Variants in SH3RF1 observed in about 807,000 individuals in gnomAD.
The protein encoded by SH3RF1 is SH3 domain containing ring finger 1.
In SH3RF1, 32 loss-of-function variants were observed where a neutral mutation model predicts 74.0. The observed-to-expected ratio is 0.43, with a 90% CI of 0.33 to 0.58. The LOEUF (loss-of-function observed/expected upper bound fraction) is 0.58. Among genes scored for constraint, SH3RF1 ranks in the 20% least tolerant of loss-of-function variants. The probability of loss-of-function intolerance (pLI) is 0.05; values close to 1 mark genes in which losing one functional copy is unlikely to be tolerated. For synonymous variants in SH3RF1, 396 were observed against 439.6 expected, an observed-to-expected ratio of 0.90 and a Z score of 1.24; for missense variants, 954 against 1,130.9, an observed-to-expected ratio of 0.84 and a Z score of 2.24.
At chr4:169,114,540 T>C (rs1412006284) in intron 10 of SH3RF1, among the ~76,000 whole-genome samples, 3 of 152,178 alleles carry the variant, frequency 2.0e-5, no homozygotes, top group Non-Finnish European at 4.4e-5. Flanking sequence ...CACAAGTACC[T>C]TTCAAGCCTT....
chr4:169,189,107 T>A (rs557588588), intron 2 of SH3RF1, among the ~76,000 whole-genome samples: 1 of 152,366 alleles, frequency 6.6e-6, no homozygotes, highest in South Asian at 2.1e-4. Flanking sequence ...TTCTTGTCAG[T>A]TCAAGTAGAA....
intron 11 of SH3RF1, among the ~76,000 whole-genome samples, chr4:169,104,838 T>C (rs189209365): frequency 6.4e-4 from 97 of 151,390 alleles, no homozygotes; most frequent in African/African-American, 2.3e-3. Flanking sequence ...GAAATGGAGG[T>C]TGCAGTGAGC....
At chr4:169,173,230 T>C (rs1209821598) in intron 2 of SH3RF1, among the ~76,000 whole-genome samples, 1 of 152,122 alleles carries the variant, frequency 6.6e-6, no homozygotes, top group Non-Finnish European at 1.5e-5. Flanking sequence ...ACCCTTACTA[T>C]TGTCCCTGCT....
intron 5 of SH3RF1, among the ~76,000 whole-genome samples, chr4:169,131,527 C>T (rs750271876): frequency 3.3e-5 from 5 of 152,152 alleles, no homozygotes; most frequent in Admixed American, 6.5e-5. Context: ...CTATTTCTAA[C>T]GGGAAGCACA....
intron 2 of SH3RF1, among the ~76,000 whole-genome samples, chr4:169,202,104 T>TC (rs1734918982): frequency 6.6e-6 from 1 of 151,976 alleles, no homozygotes; most frequent in African/African-American, 2.4e-5. Flanking sequence ...AAAATCTCAC[T>TC]CCCCCAAATT....
chr4:169,113,519 C>G (rs1733278503), intron 10 of SH3RF1, among the ~76,000 whole-genome samples: 1 of 152,154 alleles, frequency 6.6e-6, no homozygotes, highest in African/African-American at 2.4e-5. Flanking sequence ...TAAAACTCTT[C>G]CAGGAGACAC....
intron 2 of SH3RF1, among the ~76,000 whole-genome samples, chr4:169,188,535 G>C (rs992165691): frequency 2.0e-5 from 3 of 152,072 alleles, no homozygotes; most frequent in Non-Finnish European, 4.4e-5. Flanking sequence ...ACGATACACT[G>C]CTTTTCTCTA....
intron 2 of SH3RF1, among the ~76,000 whole-genome samples, chr4:169,216,849 A>G (rs1343115640): frequency 6.6e-6 from 1 of 152,116 alleles, no homozygotes; most frequent in African/African-American, 2.4e-5. Flanking sequence ...ATGGTCTTCC[A>G]TTTTTAAAAA....
intron 10 of SH3RF1, among the ~76,000 whole-genome samples, chr4:169,110,594 A>C (rs1365451360): frequency 6.6e-6 from 1 of 152,080 alleles, no homozygotes; most frequent in Non-Finnish European, 1.5e-5. Context: ...ATAAGACCCT[A>C]TCTCTTAAAA....
intron 8 of SH3RF1, among the ~76,000 whole-genome samples, chr4:169,119,415 A>G (rs1325577874): frequency 6.7e-6 from 1 of 149,772 alleles, no homozygotes; most frequent in Non-Finnish European, 1.5e-5. Context: ...GGCGTGAGCC[A>G]CTGCACCCGG....
intron 2 of SH3RF1, among the ~76,000 whole-genome samples, chr4:169,158,409 G>T (rs1318408409): frequency 6.6e-6 from 1 of 152,230 alleles, no homozygotes; most frequent in Non-Finnish European, 1.5e-5. Context: ...CATAAAGAAT[G>T]CAGTATTCCT....
At chr4:169,269,409 T>G in intron 1 of SH3RF1, 102 bp from the exon 2 acceptor site, 2 of 572,692 alleles carry the variant, frequency 3.5e-6, no homozygotes, top group Non-Finnish European at 3.0e-6. Context: ...AAGTACACTA[T>G]TCCCTGTCTG....
chr4:169,215,947 G>A (rs1287966478), intron 2 of SH3RF1, among the ~76,000 whole-genome samples: 4 of 151,948 alleles, frequency 2.6e-5, no homozygotes, highest in Non-Finnish European at 5.9e-5. Flanking sequence ...GGGACCACTG[G>A]CACACACCAC....
At chr4:169,168,362 C>T (rs750696562) in intron 2 of SH3RF1, among the ~76,000 whole-genome samples, 2 of 152,152 alleles carry the variant, frequency 1.3e-5, no homozygotes, top group Non-Finnish European at 2.9e-5. Flanking sequence ...CAGTCTCTCA[C>T]TAGATGTCCA....
intron 9 of SH3RF1, 145 bp from the exon 10 acceptor site, chr4:169,116,775 T>A: frequency 9.0e-7 from 1 of 1,113,202 alleles, no homozygotes; most frequent in Non-Finnish European, 1.2e-6. Flanking sequence ...GACGGTGGCC[T>A]AAAAGCACTT....
chr4:169,115,597 G>C (rs1733319240), intron 10 of SH3RF1, among the ~76,000 whole-genome samples: 1 of 152,090 alleles, frequency 6.6e-6, no homozygotes, highest in Non-Finnish European at 1.5e-5. Context: ...ACATTATGGT[G>C]AGTTCTATAA....
chr4:169,268,945 C>G lies in SH3RF1; in HGVS notation c.268G>C (p.Gly90Arg). ...CTTAATGCATTTGTGCAGTTGGTCC[C>G]ACTTCCCCCACCAGGACCAGGTTTC... Reference protein sequence around the residue: ...PWKPGPGGGSGTNCTNALRSQ... With the variant: ...PWKPGPGGGSRTNCTNALRSQ... Residue 90 changes from glycine to arginine, a missense_variant, in exon 2 of 12, where the codon GGG becomes CGG. Physicochemically the swap from Gly to Arg is moderately radical, Grantham distance 125 (BLOSUM62 -2). Coordinates refer to ENST00000284637, the MANE Select transcript of SH3RF1 (RefSeq NM_020870.4). 1 of 1,614,134 alleles carries G rather than the reference C, an allele frequency of 6.2e-7. No individual in the cohort carries two copies. Among genetic ancestry groups the G allele is most frequent in the Admixed American group, 1.7e-5 (1 of 60,016 alleles).
chr4:169,248,037 G>A (rs1444670857), intron 2 of SH3RF1, among the ~76,000 whole-genome samples: 1 of 152,210 alleles, frequency 6.6e-6, no homozygotes, highest in Non-Finnish European at 1.5e-5. Flanking sequence ...TACACTGTTG[G>A]TGGGACTGTA....
intron 2 of SH3RF1, among the ~76,000 whole-genome samples, chr4:169,242,844 A>G (rs958354330): frequency 6.6e-6 from 1 of 152,178 alleles, no homozygotes; most frequent in Non-Finnish European, 1.5e-5. Context: ...TGGCCCCTCA[A>G]TCTTGGACTT....
Sources: allele counts gnomAD v4.1 joint callset (sites outside exome capture counted in the v4.1 genomes callset), GRCh38; gene constraint gnomAD v4.1.1; transcripts MANE v1.5; gene names NCBI Gene and HGNC (gene_info 2026-07-23, HGNC 2026-07-21).